Variants in CLIC6 observed in about 807,000 individuals in gnomAD.
CLIC6 encodes chloride intracellular channel protein 6.
CLIC6 carries 39 observed loss-of-function variants against 49.2 expected under a neutral mutation model. That is an observed-to-expected ratio of 0.79 (90% CI 0.61 to 1.04). The LOEUF (loss-of-function observed/expected upper bound fraction) is 1.04. CLIC6 is among the 50% of genes least tolerant of loss of function. CLIC6 has a pLI of 0.00. For synonymous variants in CLIC6, 446 were observed against 433.4 expected (o/e 1.03, Z -0.36); for missense variants, 988 against 993.1 (o/e 0.99, Z 0.07).
Position 34,670,185 on chromosome 21 carries a change from C to A in CLIC6, c.797C>A (p.Ala266Glu), listed in dbSNP as rs1413656901. Reference protein sequence around the residue: ...AGDGVEAGVPAGDSVEAEGPA... With the variant: ...AGDGVEAGVPEGDSVEAEGPA... Reference sequence around the variant, plus strand: ...GACGGCGTAGAAGCGGGGGTCCCGGCGGGGGACAGCGTAGAAGCCGAAGGC... The same window carrying A: ...GACGGCGTAGAAGCGGGGGTCCCGGAGGGGGACAGCGTAGAAGCCGAAGGC... Residue 266 changes from alanine (A) to glutamate (E), a missense_variant, in exon 1 of 6, where the codon GCG becomes GAG. By Grantham distance (107) the Ala-to-Glu change is moderately radical. This residue lies in a region of CLIC6 where 647 missense variants were observed against 596.9 expected (regional missense o/e 1.08). Coordinates refer to ENST00000349499, the MANE Select transcript of CLIC6 (RefSeq NM_053277.3). The A allele has an allele frequency of 4.6e-6, 4 of 862,518 alleles. No homozygotes were observed. The highest frequency in any genetic ancestry group is 6.1e-6 in the Non-Finnish European group (4 of 656,124). The allele number at this position is 862,518 out of a possible 1,614,324, so 53.4% of individuals were successfully genotyped here.
In CLIC6 at chr21:34,717,339, T is replaced by C. The variant is rs542563782; in HGVS notation, c.*857T>C. On this transcript the variant is annotated 3_prime_UTR_variant, in exon 6 of 6. Coordinates refer to ENST00000349499, the MANE Select transcript of CLIC6 (RefSeq NM_053277.3). ...GTGAACCAAGCACACTTTGGTTCCT[T>C]CTCCGGGCGGCTCTCTCTGAGACCC... The C allele has an allele frequency of 6.6e-6, 1 of 152,360 alleles. No individual in the cohort carries two copies. Among genetic ancestry groups the C allele is most frequent in the East Asian group, 1.9e-4 (1 of 5,182 alleles). The allele number at this position is 152,360 out of a possible 1,614,324, so 9.4% of individuals were successfully genotyped here.
chr21:34,714,393 AT>A (rs1348227544), intron 5 of CLIC6, among the ~76,000 whole-genome samples: 1 of 152,220 alleles, frequency 6.6e-6, no homozygotes, highest in African/African-American at 2.4e-5. Context: ...AGCATCTAAA[AT>A]TAGTAAATCA....
chr21:34,693,549 TGTG>T (rs1161145270), intron 1 of CLIC6, among the ~76,000 whole-genome samples: 4 of 152,160 alleles, frequency 2.6e-5, no homozygotes, highest in African/African-American at 7.2e-5. Context: ...TTCATCCTCT[TGTG>T]GTGATGATCC....
chr21:34,708,137 G>C, intron 3 of CLIC6, 68 bp downstream of exon 3: 1 of 1,577,800 alleles, frequency 6.3e-7, no homozygotes, highest in Non-Finnish European at 8.7e-7. Flanking sequence ...CAGTTCTAAA[G>C]CTCTGGGCAG....
At chr21:34,673,165 G>C (rs997556141) in intron 1 of CLIC6, among the ~76,000 whole-genome samples, 1 of 152,188 alleles carries the variant, frequency 6.6e-6, no homozygotes, top group African/African-American at 2.4e-5. Context: ...AGCACCAGCA[G>C]CGGCCCAGCA....
Position 34,682,872 on chromosome 21 carries a change from C to T in CLIC6, c.1374+12110C>T, listed in dbSNP as rs960606411. Among the ~76,000 whole-genome samples the T allele has an allele frequency of 1.6e-4, 18 of 115,276 alleles. 1 individual carries two copies. In the East Asian group the frequency reaches 4.9e-3, roughly 31 times the overall value. The allele number at this position is 115,276 out of a possible 152,430, so 75.6% of individuals were successfully genotyped here. ...TGTCTCCCAGGTTGGAGTGCGGTGG[C>T]GCGATCTCGGCTCACTGCAAGCTCT... On this transcript the variant is annotated intron_variant, in intron 1 of 5. Transcript: ENST00000349499.
chr21:34,708,107 C>T (rs183926161), intron 3 of CLIC6, 38 bp downstream of exon 3: 2 of 1,610,650 alleles, frequency 1.2e-6, no homozygotes, highest in Admixed American at 1.7e-5. Flanking sequence ...ACTTGATTGT[C>T]ACTTTCCCCC....
chr21:34,712,150 T>C (rs1489154064), intron 5 of CLIC6, among the ~76,000 whole-genome samples: 1 of 152,010 alleles, frequency 6.6e-6, no homozygotes, highest in Non-Finnish European at 1.5e-5. Context: ...AGAAGAAAAA[T>C]CTGCAAGGCC....
Position 34,669,255 on chromosome 21 carries a change from C to A in CLIC6, c.-134C>A. The A allele has an allele frequency of 1.3e-6, 1 of 741,268 alleles. No individual in the cohort carries two copies. Among genetic ancestry groups the A allele is most frequent in the Non-Finnish European group, 1.8e-6 (1 of 540,698 alleles). The allele number at this position is 741,268 out of a possible 1,614,324, so 45.9% of individuals were successfully genotyped here. A position where few individuals can be genotyped will look rare whatever the true frequency, so the allele number is the denominator to read the frequency against. ...CAAGGCCCCAGTGCCCCGGCTAAAC[C>A]TTTGCCGCAGGATCCCGGAGCCGGC... On this transcript the variant is annotated 5_prime_UTR_variant, in exon 1 of 6. Transcript: ENST00000349499.
intron 1 of CLIC6, among the ~76,000 whole-genome samples, chr21:34,674,767 T>C (rs75714065): frequency 0.019 from 2,926 of 152,366 alleles, 96 homozygotes; most frequent in African/African-American, 0.065. Context: ...AGGTTCTTTT[T>C]CTTTCCTCAT....
Position 34,670,506 on chromosome 21 carries a change from G to A in CLIC6, c.1118G>A (p.Arg373Lys). 4 of 1,495,210 alleles carry A rather than the reference G, an allele frequency of 2.7e-6. No homozygotes were observed. Among genetic ancestry groups the A allele is most frequent in the Non-Finnish European group, 3.6e-6 (4 of 1,121,950 alleles). 92.6% of individuals were successfully genotyped at this position (1,495,210 alleles called of 1,614,324 possible). Reference sequence around the variant, plus strand: ...CAGGAGCCGGGGGAGGACGAAGAGAGACGAGAGCGGAGCCCGGAGGGGCCA... The same window carrying A: ...CAGGAGCCGGGGGAGGACGAAGAGAAACGAGAGCGGAGCCCGGAGGGGCCA... Reference protein sequence around the residue: ...PQQEPGEDEERRERSPEGPRE... With the variant: ...PQQEPGEDEEKRERSPEGPRE... Residue 373 changes from arginine (R) to lysine (K), a missense_variant, in exon 1 of 6, where the codon AGA (arginine) becomes AAA (lysine). Arg to Lys is a conservative substitution (Grantham distance 26, BLOSUM62 2). Around this residue, in one of 3 missense-constraint regions of CLIC6, gnomAD observed 647 missense variants for 596.9 expected, o/e 1.08. Coordinates refer to ENST00000349499, the MANE Select transcript of CLIC6 (RefSeq NM_053277.3).
At chr21:34,691,352 T>C (rs1989990543) in intron 1 of CLIC6, among the ~76,000 whole-genome samples, 1 of 152,176 alleles carries the variant, frequency 6.6e-6, no homozygotes, top group Non-Finnish European at 1.5e-5. Context: ...TTTTTTTGAT[T>C]CTGACCCTGA....
At chr21:34,709,563 T>C (rs1380004544) in intron 5 of CLIC6, 25 bp downstream of exon 5, 13 of 1,602,524 alleles carry the variant, frequency 8.1e-6, no homozygotes, top group African/African-American at 1.3e-5. Context: ...CCGACACGTG[T>C]GCCGAGTACA....
In CLIC6 at chr21:34,670,675, C is replaced by A. The variant is rs1271195168; in HGVS notation, c.1287C>A (p.Ala429=). 5 of 1,575,024 alleles carry A rather than the reference C, an allele frequency of 3.2e-6. No individual in the cohort carries two copies. The South Asian group carries it at 3.4e-5, about 11-fold the overall frequency. The part of the protein sequence containing the change: ...EEGPAEGSGE[A]ARVNGRREDG... ...GCCCCGCCGAGGGTAGCGGCGAGGCCGCGCGCGTGAACGGCCGCCGGGAGG... is the reference window on the plus strand; with the variant it reads ...GCCCCGCCGAGGGTAGCGGCGAGGCAGCGCGCGTGAACGGCCGCCGGGAGG... The change falls in exon 1 of 6, where the codon GCC becomes GCA. Residue 429 remains alanine, a synonymous_variant. Transcript: ENST00000349499.
rs1269521810 is a variant in CLIC6, at chr21:34,670,414, C to T, written c.1026C>T (p.Ser342=). 13 of 1,459,488 alleles carry T rather than the reference C, an allele frequency of 8.9e-6. No homozygotes were observed. In the Admixed American group the frequency reaches 2.8e-4, roughly 31 times the overall value. The allele number at this position is 1,459,488 out of a possible 1,614,324, so 90.4% of individuals were successfully genotyped here. Residue 342 remains serine, a synonymous_variant, in exon 1 of 6, where the codon TCC becomes TCT. Coordinates refer to ENST00000349499, the MANE Select transcript of CLIC6 (RefSeq NM_053277.3). ...EEAEVPGVKG[S]EEAAPGDARA... ...CGGAGGTCCCGGGGGTAAAGGGGTC[C>T]GAAGAAGCGGCCCCCGGGGACGCAA...
chr21:34,672,544 G>A (rs1189254424), intron 1 of CLIC6, among the ~76,000 whole-genome samples: 1 of 152,168 alleles, frequency 6.6e-6, no homozygotes, highest in African/African-American at 2.4e-5. Context: ...ATATCTTCCA[G>A]TCCCAGTCGG....
intron 1 of CLIC6, among the ~76,000 whole-genome samples, chr21:34,697,654 C>T (rs1990111081): frequency 6.6e-6 from 1 of 152,162 alleles, no homozygotes; most frequent in South Asian, 2.1e-4. Flanking sequence ...CCCAGCTTGC[C>T]CAGGACTTAG....
chr21:34,708,718 C>A lies in CLIC6; in HGVS notation c.1629C>A (p.Thr543=). The A allele has an allele frequency of 1.2e-6, 2 of 1,613,944 alleles. No individual in the cohort carries two copies. Among genetic ancestry groups the A allele is most frequent in the East Asian group, 2.2e-5 (1 of 44,882 alleles). Residue 543 remains threonine (T), a synonymous_variant, in exon 4 of 6, where the codon ACC becomes ACA. Coordinates refer to ENST00000349499, the MANE Select transcript of CLIC6 (RefSeq NM_053277.3). ...LAPPRYPKLG[T]QHPESNSAGN... ...TTTCAAGGTATCCCAAGCTGGGGAC[C>A]CAACATCCCGAATCTAATTCCGCAG...
At chr21:34,673,518 T>A (rs1568956212) in intron 1 of CLIC6, among the ~76,000 whole-genome samples, 1 of 152,164 alleles carries the variant, frequency 6.6e-6, no homozygotes. Flanking sequence ...CTCAAACTCC[T>A]GACCTCAGGT....
Sources: gnomAD v4.1 joint callset for allele counts (sites outside exome capture counted in the v4.1 genomes callset) on GRCh38, gnomAD v4.1.1 for gene constraint, gnomAD v4.1.1 regional missense constraint, MANE v1.5 for transcripts, NCBI Gene and HGNC (gene_info 2026-07-23, HGNC 2026-07-21) for gene names.